Variants in NXPH1 observed in about 807,000 individuals in gnomAD.
NXPH1 encodes neurexophilin-1.
Under a neutral mutation model 23.7 loss-of-function variants are expected in NXPH1, and 5 were observed. The ratio of observed to expected loss-of-function variants is 0.21; its 90% confidence interval spans 0.11 to 0.44. NXPH1 has a LOEUF of 0.44. NXPH1 is among the 20% of genes least tolerant of loss of function. NXPH1 has a pLI of 0.99. For synonymous variants in NXPH1, 144 were observed against 122.2 expected (o/e 1.18, Z -1.18); for missense variants, 324 against 321.6 (o/e 1.01, Z -0.06).
intron 2 of NXPH1, among the ~76,000 whole-genome samples, chr7:8,550,157 C>G (rs184457968): frequency 6.1e-4 from 92 of 151,730 alleles, no homozygotes; most frequent in African/African-American, 2.0e-3. Flanking sequence ...AAGCTTGTGA[C>G]TCTCACTCTG....
rs1439369925 is a variant in NXPH1, at chr7:8,752,096, A to T, written c.*327A>T. On this transcript the variant is annotated 3_prime_UTR_variant, in exon 3 of 3. Transcript: ENST00000405863. ...CTGTTGAGAGGGCTTTCATTGTCTG[A>T]CTCATAATGGTTCAGGATCAACTAT... 3 of 235,730 alleles carry T rather than the reference A, an allele frequency of 1.3e-5. No individual in the cohort carries two copies. The highest frequency in any genetic ancestry group is 6.6e-5 in the African/African-American group (3 of 45,274). The allele number at this position is 235,730 out of a possible 1,614,324, so 14.6% of individuals were successfully genotyped here.
At position 8,751,796 on chromosome 7, in the gene NXPH1, C is replaced by A. The variant is rs1351276654; in HGVS notation, c.*27C>A. ...GGTGAACATGGGGGTGAGACTGAAG[C>A]CTGAGGAATTAAAGGTCATATGACA... On this transcript the variant is annotated 3_prime_UTR_variant, in exon 3 of 3. Coordinates refer to ENST00000405863, the MANE Select transcript of NXPH1 (RefSeq NM_152745.3). This position sits in a 1 kb window ranked among gnomAD's most constrained non-coding sequence, Gnocchi z 4.5. 2 of 1,578,352 alleles carry A rather than the reference C, an allele frequency of 1.3e-6. No homozygotes were observed. The highest frequency in any genetic ancestry group is 1.7e-6 in the Non-Finnish European group (2 of 1,164,658).
intron 2 of NXPH1, among the ~76,000 whole-genome samples, chr7:8,653,853 C>A (rs1482266639): frequency 6.6e-6 from 1 of 152,150 alleles, no homozygotes. Context: ...TCATTTCTTA[C>A]AATACATAGC....
intron 2 of NXPH1, among the ~76,000 whole-genome samples, chr7:8,735,940 T>G (rs1452300695): frequency 6.6e-6 from 1 of 152,228 alleles, no homozygotes; most frequent in Admixed American, 6.5e-5. Context: ...TTTATAGTAT[T>G]CTCTAATAGT....
intron 2 of NXPH1, among the ~76,000 whole-genome samples, chr7:8,531,353 A>C (rs1191460523): frequency 6.6e-6 from 1 of 152,228 alleles, no homozygotes; most frequent in Non-Finnish European, 1.5e-5. Context: ...TAATAATGTC[A>C]TACTCTATTT....
intron 2 of NXPH1, among the ~76,000 whole-genome samples, chr7:8,659,590 G>A (rs1349939185): frequency 6.6e-6 from 1 of 152,068 alleles, no homozygotes; most frequent in Non-Finnish European, 1.5e-5. Flanking sequence ...CGTGGGGTGG[G>A]GGCAGTGGGG....
chr7:8,517,394 A>T (rs1817703503), intron 2 of NXPH1, among the ~76,000 whole-genome samples: 2 of 152,080 alleles, frequency 1.3e-5, no homozygotes, highest in Admixed American at 1.3e-4. Context: ...AAGAACATGG[A>T]GTGTATGACT....
At chr7:8,621,336 G>A (rs982350749) in intron 2 of NXPH1, among the ~76,000 whole-genome samples, 3 of 152,148 alleles carry the variant, frequency 2.0e-5, no homozygotes, top group African/African-American at 7.2e-5. Context: ...GGTGTTTGAG[G>A]AAGGTAGTGA....
chr7:8,491,447 T>C lies in NXPH1; in HGVS notation c.54+55680T>C, dbSNP rs117836738. Among the ~76,000 whole-genome samples, 151 of 152,122 alleles carry C rather than the reference T, an allele frequency of 9.9e-4. 4 individuals carry two copies. The East Asian group carries it at 0.026, about 26-fold the overall frequency. On this transcript the variant is annotated intron_variant, in intron 2 of 2. Transcript: ENST00000405863. ...AATGAAGGAAATCAAGACAGTAAGG[T>C]TTGAAAAATATGCTCCCGGAAGTTA...
At chr7:8,539,919 T>C (rs867015577) in intron 2 of NXPH1, among the ~76,000 whole-genome samples, 3 of 151,998 alleles carry the variant, frequency 2.0e-5, no homozygotes, top group African/African-American at 7.2e-5. Context: ...GTGACTTTTG[T>C]TAATTATATT....
intron 2 of NXPH1, among the ~76,000 whole-genome samples, chr7:8,615,153 C>G (rs1819708542): frequency 6.6e-6 from 1 of 151,972 alleles, no homozygotes; most frequent in Non-Finnish European, 1.5e-5. Context: ...TAGATGTGCC[C>G]AGGAATTCAT....
chr7:8,691,824 C>T (rs1205725981), intron 2 of NXPH1, among the ~76,000 whole-genome samples: 1 of 152,144 alleles, frequency 6.6e-6, no homozygotes. Context: ...ACAACTACAA[C>T]ACAAGTAAAC....
At chr7:8,518,910 C>T (rs552452167) in intron 2 of NXPH1, among the ~76,000 whole-genome samples, 1 of 152,246 alleles carries the variant, frequency 6.6e-6, no homozygotes, top group Middle Eastern at 3.4e-3. Context: ...CAGCTTCCCC[C>T]ATCCCCTGTT....
chr7:8,635,616 A>G (rs1820207799), intron 2 of NXPH1, among the ~76,000 whole-genome samples: 1 of 152,212 alleles, frequency 6.6e-6, no homozygotes, highest in Non-Finnish European at 1.5e-5. Context: ...ATTACCTGCC[A>G]GAACGTTGGA....
At chr7:8,674,594 G>GT (rs1359132994) in intron 2 of NXPH1, among the ~76,000 whole-genome samples, 1 of 152,158 alleles carries the variant, frequency 6.6e-6, no homozygotes, top group African/African-American at 2.4e-5. Context: ...CTCTAAAGGA[G>GT]TTTGGGGTTC....
rs142812714 is a variant in NXPH1, at chr7:8,745,858, T to TCCC, written c.55-5148_55-5146dup. ...CTAGGATTTCAGGCGAGAGCTACTG[T>TCCC]CCCCGGCCCTGTTCTTTATTCTTGG... On this transcript the variant is annotated intron_variant, in intron 2 of 2. Coordinates refer to ENST00000405863, the MANE Select transcript of NXPH1 (RefSeq NM_152745.3). 5.1e-3 allele frequency among the ~76,000 whole-genome samples: 769 copies of TCCC among 152,012 alleles called. 17 individuals carry two copies. The highest frequency in any genetic ancestry group is 0.038 in the Admixed American group (580 of 15,246).
intron 2 of NXPH1, among the ~76,000 whole-genome samples, chr7:8,625,409 C>T (rs1258324860): frequency 6.6e-6 from 1 of 152,112 alleles, no homozygotes; most frequent in Non-Finnish European, 1.5e-5. Flanking sequence ...TTTCTACATC[C>T]TATTAGTTCC....
At chr7:8,491,663 A>G (rs987703793) in intron 2 of NXPH1, among the ~76,000 whole-genome samples, 3 of 152,038 alleles carry the variant, frequency 2.0e-5, no homozygotes, top group Non-Finnish European at 2.9e-5. Context: ...CTGGCTTCCC[A>G]TCATCTTAAA....
intron 2 of NXPH1, among the ~76,000 whole-genome samples, chr7:8,505,248 T>C (rs10233230): frequency 0.3 from 45,272 of 151,766 alleles, 6,966 homozygotes; most frequent in African/African-American, 0.37. Context: ...CTCAGCCCCA[T>C]TGAGACCTCC....
Sources: allele counts gnomAD v4.1 joint callset (sites outside exome capture counted in the v4.1 genomes callset), GRCh38; gene constraint gnomAD v4.1.1; non-coding constraint Gnocchi (gnomAD v3.1); transcripts MANE v1.5; gene names NCBI Gene and HGNC (gene_info 2026-07-23, HGNC 2026-07-21).